FOXN3: variants seen among roughly 807,000 people sequenced by gnomAD.
FOXN3 encodes forkhead box N3.
In FOXN3, 7 loss-of-function variants were observed where a neutral mutation model predicts 38.4. The ratio of observed to expected loss-of-function variants is 0.18; its 90% CI spans 0.10 to 0.34. The LOEUF is 0.34. FOXN3 is among the 10% of genes least tolerant of loss of function. The pLI is 1.00. For missense variants in FOXN3, 456 were observed against 613.4 expected, an observed-to-expected ratio of 0.74 and a Z score of 2.71; for synonymous variants, 230 against 242.2, an observed-to-expected ratio of 0.95 and a Z score of 0.47.
intron 1 of FOXN3, among the ~76,000 whole-genome samples, chr14:89,430,310 G>A (rs74603624): frequency 0.011 from 1,652 of 152,222 alleles, 58 homozygotes; most frequent in East Asian, 0.078. Flanking sequence ...TTACCATACA[G>A]AACCTGCTTC....
intron 1 of FOXN3, among the ~76,000 whole-genome samples, chr14:89,600,829 A>G (rs577885341): frequency 6.6e-6 from 1 of 152,334 alleles, no homozygotes; most frequent in East Asian, 1.9e-4. Context: ...ATTTTTCTGA[A>G]AAAATAGAGA....
intron 1 of FOXN3, among the ~76,000 whole-genome samples, chr14:89,581,263 C>T (rs1380205671): frequency 2.6e-5 from 4 of 151,946 alleles, no homozygotes; most frequent in African/African-American, 9.7e-5. Flanking sequence ...GGGAGTATCA[C>T]CTGAGGTCAG....
intron 1 of FOXN3, among the ~76,000 whole-genome samples, chr14:89,447,162 C>A (rs1892518992): frequency 6.6e-6 from 1 of 150,968 alleles, no homozygotes; most frequent in Non-Finnish European, 1.5e-5. Context: ...CGCCATTGCA[C>A]TCCAGCCTGG....
rs115941169 is a variant in FOXN3 at position 89,234,350 on chromosome 14, C to T, written c.745+46600G>A. 6.7e-3 allele frequency among the ~76,000 whole-genome samples: 1,019 copies of T among 152,262 alleles called. 14 individuals are homozygous for T. Among genetic ancestry groups the T allele is most frequent in the African/African-American group, 0.023 (947 of 41,536 alleles). On this transcript the variant is annotated intron_variant, in intron 4 of 5. Coordinates refer to ENST00000557258, the MANE Select transcript of FOXN3 (RefSeq NM_005197.4). ...GCCTGCAGAGGAGACTCCTTCCCTG[C>T]CTCCTCTTAAGCCTTGGCGTTCCAA... is the stretch of plus-strand genomic sequence containing the variant.
At chr14:89,396,305 G>C (rs1367199904) in intron 2 of FOXN3, among the ~76,000 whole-genome samples, 1 of 152,200 alleles carries the variant, frequency 6.6e-6, no homozygotes, top group Non-Finnish European at 1.5e-5. Flanking sequence ...CAGAGTCCTT[G>C]AAGAAGAGGT....
intron 1 of FOXN3, among the ~76,000 whole-genome samples, chr14:89,455,607 G>A (rs184599857): frequency 7.9e-5 from 12 of 152,274 alleles, no homozygotes; most frequent in Admixed American, 2.6e-4. Context: ...CCACAGCCAC[G>A]TAGCAGGCAG....
chr14:89,606,154 G>T (rs1307326479), intron 1 of FOXN3, among the ~76,000 whole-genome samples: 1 of 152,108 alleles, frequency 6.6e-6, no homozygotes, highest in Non-Finnish European at 1.5e-5. Context: ...AAACCGAGAT[G>T]AAGTCAATAA....
chr14:89,396,955 C>T (rs2140083525), intron 2 of FOXN3, among the ~76,000 whole-genome samples: 1 of 150,750 alleles, frequency 6.6e-6, no homozygotes, highest in East Asian at 2.0e-4. Context: ...TCAGCGACTG[C>T]TGTGGCCTTT....
chr14:89,245,423 G>C (rs967997083), intron 4 of FOXN3, among the ~76,000 whole-genome samples: 3 of 151,644 alleles, frequency 2.0e-5, no homozygotes, highest in Non-Finnish European at 4.4e-5. Context: ...TTTCACTGTC[G>C]AGTTCTCATT....
chr14:89,213,371 T>C (rs1311607152), intron 4 of FOXN3, among the ~76,000 whole-genome samples: 1 of 152,224 alleles, frequency 6.6e-6, no homozygotes, highest in Non-Finnish European at 1.5e-5. Context: ...CACTGGTATG[T>C]GTACTTATAC....
Position 89,427,392 on chromosome 14 carries a change from G to A in FOXN3, c.-14-14902C>T, listed in dbSNP as rs1212140950. On this transcript the variant is annotated intron_variant, in intron 1 of 6. Transcript: ENST00000345097. ...GCGATCTTGGCTCACTGCAACCTCC[G>A]CCTCCTGGGTTCAAGCGATTCTCCT... Among the ~76,000 whole-genome samples, 4 of 120,976 alleles carry A rather than the reference G, an allele frequency of 3.3e-5. No homozygotes were observed. In the East Asian group the frequency reaches 1.1e-3, roughly 33 times the overall value. The allele number at this position is 120,976 out of a possible 152,430, so 79.4% of individuals were successfully genotyped here.
intron 2 of FOXN3, among the ~76,000 whole-genome samples, chr14:89,400,390 C>G (rs1891215148): frequency 6.6e-6 from 1 of 152,162 alleles, no homozygotes; most frequent in Non-Finnish European, 1.5e-5. Context: ...ACCCGAATGT[C>G]TCCACAGAGC....
rs143765140 is a variant in FOXN3, at chr14:89,184,452, A to G, written c.746-3646T>C. 4.9e-3 allele frequency among the ~76,000 whole-genome samples: 744 copies of G among 152,334 alleles called. 6 individuals carry two copies. Among genetic ancestry groups the G allele is most frequent in the African/African-American group, 0.017 (712 of 41,588 alleles). On this transcript the variant is annotated intron_variant, in intron 4 of 5. Transcript: ENST00000557258. Reference sequence around the variant, plus strand: ...GCCCAAATACTCAGAACATGTAAGCATCAGGCGCATGGCCAGCAGAGAGGA... The same window carrying G: ...GCCCAAATACTCAGAACATGTAAGCGTCAGGCGCATGGCCAGCAGAGAGGA...
rs1274625605 is a variant in FOXN3, at chr14:89,412,061, T to C, written c.416A>G (p.Asp139Gly). 1.2e-6 allele frequency: 2 copies of C among 1,613,610 alleles called. No individual in the cohort carries two copies. The highest frequency in any genetic ancestry group is 1.1e-5 in the South Asian group (1 of 91,068). ...DSPTKRLPVK[D>G]IYNWILEHFP... ...ATGTTCCAAGATCCAGTTGTAGATA[T>C]CCTTCACTGGCAGGCGCTTGGTTGG... The change falls in exon 2 of 6, where the codon GAT (aspartate) becomes GGT (glycine). Residue 139 changes from aspartate (D) to glycine (G), a missense_variant. Coordinates refer to ENST00000557258, the MANE Select transcript of FOXN3 (RefSeq NM_005197.4). This position sits in a 1 kb window ranked among gnomAD's most constrained non-coding sequence, Gnocchi z 4.7.
chr14:89,377,020 C>CAAAAAAAAAAAAAAAAAAAAAAAAAA lies in FOXN3; in HGVS notation c.544-26238_544-26213dup. Among the ~76,000 whole-genome samples, 39 of 42,782 alleles carry CAAAAAAAAAAAAAAAAAAAAAAAAAA rather than the reference C, an allele frequency of 9.1e-4. 2 individuals carry two copies. Among genetic ancestry groups the CAAAAAAAAAAAAAAAAAAAAAAAAAA allele is most frequent in the Admixed American group, 1.4e-3 (4 of 2,864 alleles). The allele number at this position is 42,782 out of a possible 152,430, so 28.1% of individuals were successfully genotyped here. A position where few individuals can be genotyped will look rare whatever the true frequency, so the allele number is the denominator to read the frequency against. ...TGAGCAAAAGATCAAGACTCTGTCT[C>CAAAAAAAAAAAAAAAAAAAAAAAAAA]AAAAAAAAAAAAAAAAAAAAAAAAA... is the stretch of plus-strand genomic sequence containing the variant. On this transcript the variant is annotated intron_variant, in intron 2 of 5. Coordinates refer to ENST00000557258, the MANE Select transcript of FOXN3 (RefSeq NM_005197.4).
chr14:89,208,848 G>C (rs1344509580), intron 4 of FOXN3, among the ~76,000 whole-genome samples: 1 of 152,090 alleles, frequency 6.6e-6, no homozygotes, highest in African/African-American at 2.4e-5. Context: ...GTTCAACCAG[G>C]GTCTTGAGCC....
At position 89,163,321 on chromosome 14, in the gene FOXN3, A is replaced by G. The variant is rs942313; in HGVS notation, c.852-352T>C. Among the ~76,000 whole-genome samples, 74,041 of 152,064 alleles carry G rather than the reference A, an allele frequency of 0.49. 18,343 individuals carry two copies. The highest frequency in any genetic ancestry group is 0.58 in the African/African-American group (24,225 of 41,454). ...TGGTTCGTGTCCCCGCCAACACCAC[A>G]GAGTCAGACACCGCCAGACGATGTT... On this transcript the variant is annotated intron_variant, in intron 5 of 5. Coordinates refer to ENST00000557258, the MANE Select transcript of FOXN3 (RefSeq NM_005197.4). This position sits in a 1 kb window ranked among gnomAD's most constrained non-coding sequence, Gnocchi z 4.3.
intron 1 of FOXN3, among the ~76,000 whole-genome samples, chr14:89,539,487 T>A (rs1894755647): frequency 6.6e-6 from 1 of 152,192 alleles, no homozygotes; most frequent in African/African-American, 2.4e-5. Flanking sequence ...CAAAATGGGA[T>A]GTCTATAATG....
At chr14:89,218,686 C>CT (rs1279414010) in intron 4 of FOXN3, among the ~76,000 whole-genome samples, 1 of 152,106 alleles carries the variant, frequency 6.6e-6, no homozygotes, top group Non-Finnish European at 1.5e-5. Context: ...CAATCTTTGG[C>CT]TTTTATAAAG....
Sources: gnomAD v4.1 joint callset for allele counts (sites outside exome capture counted in the v4.1 genomes callset) on GRCh38, gnomAD v4.1.1 for gene constraint, Gnocchi (gnomAD v3.1) non-coding constraint, MANE v1.5 for transcripts, NCBI Gene and HGNC (gene_info 2026-07-23, HGNC 2026-07-21) for gene names.